SLC5A5: variants seen among roughly 807,000 people sequenced by gnomAD.
SLC5A5 encodes solute carrier family 5 member 5, also known as sodium/iodide cotransporter.
A neutral mutation model predicts 68.6 loss-of-function variants in SLC5A5; 56 were observed. That is an observed-to-expected ratio of 0.82 (90% confidence interval 0.66 to 1.02). The LOEUF is 1.02. Among genes scored for constraint, SLC5A5 ranks in the 50% least tolerant of loss-of-function variants. SLC5A5 has a pLI of 0.00. For missense variants in SLC5A5, 807 were observed against 859.8 expected (o/e 0.94, Z 0.77); for synonymous variants, 398 against 373.0 (o/e 1.07, Z -0.77).
At position 17,872,234 on chromosome 19, in the gene SLC5A5, C is replaced by T. The variant is rs1055954779; in HGVS notation, c.-86C>T. The T allele has an allele frequency of 8.9e-6, 6 of 671,728 alleles. No individual in the cohort carries two copies. Among genetic ancestry groups the T allele is most frequent in the Non-Finnish European group, 1.6e-5 (6 of 385,724 alleles). The allele number at this position is 671,728 out of a possible 1,614,324, so 41.6% of individuals were successfully genotyped here. A position where few individuals can be genotyped will look rare whatever the true frequency, so the allele number is the denominator to read the frequency against. On this transcript the variant is annotated 5_prime_UTR_variant, in exon 1 of 15. Coordinates refer to ENST00000222248, the MANE Select transcript of SLC5A5 (RefSeq NM_000453.3). ...CGAGCATCCTCCCACCCGCCCTCCC[C>T]GTCCTGCCTCCTCGGCCCCTGCCAG...
At chr19:17,877,916 C>T in intron 6 of SLC5A5, 48 bp from the exon 7 acceptor site, 9 of 1,613,936 alleles carry the variant, frequency 5.6e-6, no homozygotes, top group Non-Finnish European at 7.6e-6. Context: ...TGCCCCCCTC[C>T]ACCAGCCTGA....
intron 7 of SLC5A5, among the ~76,000 whole-genome samples, chr19:17,878,995 A>AAC: frequency 6.7e-6 from 1 of 149,994 alleles, no homozygotes; most frequent in African/African-American, 2.4e-5. Flanking sequence ...AAAACAAAAA[A>AAC]AAAAAACCAA....
At chr19:17,890,230 C>A (rs2030112254) in intron 13 of SLC5A5, among the ~76,000 whole-genome samples, 1 of 152,092 alleles carries the variant, frequency 6.6e-6, no homozygotes, top group Non-Finnish European at 1.5e-5. Context: ...ACCCCCACGC[C>A]TGGCTAATTT....
chr19:17,878,507 AAAAAT>A (rs112946983), intron 7 of SLC5A5, among the ~76,000 whole-genome samples: 12,209 of 151,524 alleles, frequency 0.081, 664 homozygotes, highest in African/African-American at 0.15. Context: ...TCTGTCTCAA[AAAAAT>A]AAAATAAAAT....
intron 5 of SLC5A5, among the ~76,000 whole-genome samples, chr19:17,876,867 A>C (rs1451429731): frequency 1.4e-5 from 2 of 138,002 alleles, no homozygotes; most frequent in East Asian, 5.1e-4. Context: ...TCCCCCCCCT[A>C]AAAAAAAAAA....
intron 12 of SLC5A5, 47 bp downstream of exon 12, chr19:17,884,093 G>A: frequency 1.4e-6 from 2 of 1,454,068 alleles, no homozygotes; most frequent in East Asian, 2.5e-5. Flanking sequence ...TGGATGGTGT[G>A]ATCTTGAAGG....
chr19:17,872,296 C>T lies in SLC5A5; in HGVS notation c.-24C>T. 1 of 1,541,148 alleles carries T rather than the reference C, an allele frequency of 6.5e-7. No homozygotes were observed. On this transcript the variant is annotated 5_prime_UTR_variant, in exon 1 of 15. Coordinates refer to ENST00000222248, the MANE Select transcript of SLC5A5 (RefSeq NM_000453.3). Reference sequence around the variant, plus strand: ...TGAGCACGCAGGGCGTCCGAGGACGCGCTGGGCCTCCGCACCCGCCCTCAT... The same window carrying T: ...TGAGCACGCAGGGCGTCCGAGGACGTGCTGGGCCTCCGCACCCGCCCTCAT...
intron 11 of SLC5A5, 23 bp downstream of exon 11, chr19:17,883,790 G>T (rs1568423641): frequency 6.2e-7 from 1 of 1,605,310 alleles, no homozygotes; most frequent in Non-Finnish European, 8.5e-7. Flanking sequence ...GGGGCAAGGG[G>T]CGGGGAGGGG....
At chr19:17,880,688 C>A (rs565328607) in intron 7 of SLC5A5, among the ~76,000 whole-genome samples, 177 bp from the exon 8 acceptor site, 1 of 151,218 alleles carries the variant, frequency 6.6e-6, no homozygotes, top group East Asian at 1.9e-4. Flanking sequence ...AGAGCAAGAT[C>A]TTTTCTCAAA....
chr19:17,884,048 T>A lies in SLC5A5; in HGVS notation c.1526+2T>A. On this transcript the variant is annotated splice_donor_variant, in intron 12 of 14. Transcript: ENST00000222248. LOFTEE classifies it high-confidence loss of function. ...TAACGACTCCAGCAGGGCCCCCAGG[T>A]GAGCAGACTTGAGGGTAGGGGGGTA... The A allele has an allele frequency of 6.4e-7, 1 of 1,557,534 alleles. No individual in the cohort carries two copies. The highest frequency in any genetic ancestry group is 8.7e-7 in the Non-Finnish European group (1 of 1,154,262).
chr19:17,889,160 G>C (rs189648308), intron 13 of SLC5A5, among the ~76,000 whole-genome samples: 1 of 151,932 alleles, frequency 6.6e-6, no homozygotes, highest in Non-Finnish European at 1.5e-5. Context: ...ACTTTGGGAG[G>C]CCGAGGCGGG....
In SLC5A5 at chr19:17,874,491, C is replaced by T; in HGVS notation, c.424-3C>T. The stretch of plus-strand genomic sequence containing the variant: ...GCTCACCCGCCCCACACTCTGTCTA[C>T]AGATGCTGTACACCGGCATCGTAAT... On this transcript the variant is annotated splice_polypyrimidine_tract_variant and splice_region_variant and intron_variant, in intron 2 of 14. Transcript: ENST00000222248. 1 of 1,613,986 alleles carries T rather than the reference C, an allele frequency of 6.2e-7. No individual in the cohort carries two copies. The highest frequency in any genetic ancestry group is 8.5e-7 in the Non-Finnish European group (1 of 1,179,978).
intron 14 of SLC5A5, 62 bp downstream of exon 14, chr19:17,891,063 A>G (rs2030149988): frequency 2.0e-6 from 2 of 983,408 alleles, no homozygotes; most frequent in Non-Finnish European, 3.3e-6. Context: ...ACGTGACCAC[A>G]GCTCAGGGGA....
chr19:17,878,143 G>A (rs2094312131), intron 7 of SLC5A5, 50 bp downstream of exon 7: 10 of 1,594,452 alleles, frequency 6.3e-6, no homozygotes, highest in Non-Finnish European at 8.5e-6. Context: ...TCACTAGCTT[G>A]GTGGGATTGA....
chr19:17,890,963 A>T lies in SLC5A5; in HGVS notation c.1729A>T (p.Lys577Ter). The T allele has an allele frequency of 6.2e-7, 1 of 1,613,804 alleles. No homozygotes were observed. The highest frequency in any genetic ancestry group is 8.5e-7 in the Non-Finnish European group (1 of 1,179,758). ...LARQTASVAPKEEVAILDDNL... is the reference protein window; with the variant it reads ...LARQTASVAP ...ACGGCAGACAGCATCAGTGGCCCCC[A>T]AGGAAGAAGTGGCCATCCTGGATGA... Residue 577 changes from lysine to a stop codon, truncating the protein, a stop_gained, in exon 14 of 15, where the codon AAG becomes TAG. Transcript: ENST00000222248. LOFTEE classifies it low-confidence loss of function (END_TRUNC).
At chr19:17,880,199 C>A (rs985788952) in intron 7 of SLC5A5, among the ~76,000 whole-genome samples, 1 of 150,430 alleles carries the variant, frequency 6.6e-6, no homozygotes, top group Non-Finnish European at 1.5e-5. Flanking sequence ...CTGTGCCCGG[C>A]CTTTCTTTCT....
chr19:17,873,800 A>G (rs115249627), intron 1 of SLC5A5, among the ~76,000 whole-genome samples: 3,353 of 151,846 alleles, frequency 0.022, 124 homozygotes, highest in African/African-American at 0.077. Context: ...CTAGGCGGCC[A>G]ACACCATTGG....
At chr19:17,883,522 A>G (rs1217044274) in intron 10 of SLC5A5, among the ~76,000 whole-genome samples, 159 bp from the exon 11 acceptor site, 3 of 143,326 alleles carry the variant, frequency 2.1e-5, no homozygotes, top group African/African-American at 5.2e-5. Context: ...GGCAGGAACA[A>G]GGGGGGGGGG....
chr19:17,890,863 C>T (rs1444136145), intron 13 of SLC5A5, 23 bp from the exon 14 acceptor site: 2 of 1,547,388 alleles, frequency 1.3e-6, no homozygotes, highest in East Asian at 4.5e-5. Context: ...GCCTGGATTT[C>T]TCCATTTCTC....
Sources: gnomAD v4.1 joint callset for allele counts (sites outside exome capture counted in the v4.1 genomes callset) on GRCh38, gnomAD v4.1.1 for gene constraint, MANE v1.5 for transcripts, NCBI Gene and HGNC (gene_info 2026-07-23, HGNC 2026-07-21) for gene names.